Variants in KHDC1 observed in about 807,000 individuals in gnomAD.
KHDC1 encodes KH domain containing 1.
In KHDC1, 21 loss-of-function variants were observed where a neutral mutation model predicts 24.7. The observed-to-expected ratio is 0.85, with a 90% CI of 0.60 to 1.23. The LOEUF (loss-of-function observed/expected upper bound fraction) is 1.23. KHDC1 is among the 50% of genes most tolerant of loss of function. The pLI is 0.00. For missense variants in KHDC1, 274 were observed against 298.5 expected (o/e 0.92, Z 0.61); for synonymous variants, 98 against 111.7 (o/e 0.88, Z 0.77).
At chr6:73,300,391 C>CT (rs1276879739) in intron 1 of KHDC1, 1 of 152,238 alleles carries the variant, frequency 6.6e-6, no homozygotes, top group African/African-American at 2.4e-5. Context: ...GACACCTTCC[C>CT]TGGGTTCCCA....
rs148696563 is a variant in KHDC1 at position 73,257,553 on chromosome 6, C to T, written c.207-15023G>A. Among the ~76,000 whole-genome samples, 681 of 152,140 alleles carry T rather than the reference C, an allele frequency of 4.5e-3. 1 individual carries two copies. Among genetic ancestry groups the T allele is most frequent in the Non-Finnish European group, 7.4e-3 (500 of 68,012 alleles). ...AGCTGGGACTACAGGTGCACACTAC[C>T]ACACCCGGCTAATTTTTGTATTTTT... On this transcript the variant is annotated intron_variant, in intron 2 of 4. Coordinates refer to ENST00000370384, the Ensembl canonical transcript of KHDC1.
At chr6:73,285,439 C>T (rs1417780620) in intron 2 of KHDC1, among the ~76,000 whole-genome samples, 3 of 151,820 alleles carry the variant, frequency 2.0e-5, no homozygotes, top group Non-Finnish European at 4.4e-5. Flanking sequence ...TCAAGCAATT[C>T]TCCTGCCTCA....
intron 1 of KHDC1, among the ~76,000 whole-genome samples, chr6:73,302,275 C>T (rs562383795): frequency 7.2e-5 from 11 of 151,890 alleles, no homozygotes; most frequent in African/African-American, 1.9e-4. Flanking sequence ...AGCAACAGAG[C>T]GAGACTCTGT....
At chr6:73,241,458 G>A (rs1014849992) in exon 5 of KHDC1, 3 of 1,456,816 alleles carry the variant, frequency 2.1e-6, no homozygotes, top group African/African-American at 2.8e-5. Flanking sequence ...TGTCTATCAT[G>A]TCTTTCTCAC....
intron 2 of KHDC1, chr6:73,263,005 T>G: frequency 9.8e-7 from 1 of 1,016,416 alleles, no homozygotes; most frequent in Non-Finnish European, 1.2e-6. Context: ...GAGGTGAGGG[T>G]GGCGCGCCGC....
chr6:73,263,436 C>T, intron 2 of KHDC1: 1 of 284,620 alleles, frequency 3.5e-6, no homozygotes. Context: ...CTCCAGGCGG[C>T]ATCTCTTGCT....
exon 1 of KHDC1, chr6:73,309,854 C>T (rs1281888502): frequency 2.9e-5 from 29 of 1,017,288 alleles, no homozygotes; most frequent in Non-Finnish European, 3.3e-5. Flanking sequence ...GAAAGGGCCA[C>T]TTCGGGTCGG....
At chr6:73,299,765 G>C (rs561112983) in intron 1 of KHDC1, 15 of 152,662 alleles carry the variant, frequency 9.8e-5, no homozygotes, top group African/African-American at 3.6e-4. Flanking sequence ...AACCTGGCCT[G>C]AATGGCCCAG....
intron 1 of KHDC1, among the ~76,000 whole-genome samples, chr6:73,295,296 C>T (rs540073206): frequency 6.6e-6 from 1 of 152,276 alleles, no homozygotes; most frequent in Non-Finnish European, 1.5e-5. Context: ...CAAGCAGATG[C>T]CAGCATCATG....
At chr6:73,298,648 G>T (rs1428251186) in intron 1 of KHDC1, among the ~76,000 whole-genome samples, 1 of 151,494 alleles carries the variant, frequency 6.6e-6, no homozygotes, top group South Asian at 2.1e-4. Context: ...GTCCGTCAGG[G>T]TCAGGATCAC....
intron 2 of KHDC1, among the ~76,000 whole-genome samples, chr6:73,265,934 T>TG (rs201924033): frequency 5.9e-5 from 9 of 151,928 alleles, no homozygotes; most frequent in Non-Finnish European, 8.8e-5. Context: ...TTCTTTTTTT[T>TG]GGGGGGAGAC....
intron 1 of KHDC1, chr6:73,300,102 A>G (rs1392370633): frequency 6.6e-6 from 1 of 152,394 alleles, no homozygotes; most frequent in Non-Finnish European, 1.5e-5. Flanking sequence ...CACGCTTCCC[A>G]TGAACTAACC....
intron 1 of KHDC1, among the ~76,000 whole-genome samples, chr6:73,293,658 G>A (rs1344315373): frequency 6.6e-6 from 1 of 151,972 alleles, no homozygotes; most frequent in Non-Finnish European, 1.5e-5. Flanking sequence ...TGTAATTACA[G>A]CTACTTGGGA....
chr6:73,274,571 A>G (rs906927692), intron 2 of KHDC1: 3 of 152,160 alleles, frequency 2.0e-5, no homozygotes, highest in Non-Finnish European at 4.4e-5. Context: ...CTCTCACGAC[A>G]TCTGATGGTT....
chr6:73,264,247 G>A (rs1767041905), intron 2 of KHDC1, among the ~76,000 whole-genome samples: 1 of 152,142 alleles, frequency 6.6e-6, no homozygotes, highest in Non-Finnish European at 1.5e-5. Flanking sequence ...ATCTTATCTA[G>A]GTTGCGTCTT....
intron 2 of KHDC1, among the ~76,000 whole-genome samples, chr6:73,252,008 C>G (rs967821281): frequency 2.6e-5 from 4 of 151,200 alleles, no homozygotes; most frequent in African/African-American, 9.7e-5. Context: ...TAGGCGTGAG[C>G]CACAGGGCCC....
chr6:73,281,666 G>A (rs1313270254), intron 2 of KHDC1, among the ~76,000 whole-genome samples: 2 of 151,166 alleles, frequency 1.3e-5, no homozygotes, highest in Non-Finnish European at 2.9e-5. Flanking sequence ...AGAGTTGTGA[G>A]GATAGTACAG....
intron 2 of KHDC1, among the ~76,000 whole-genome samples, chr6:73,267,383 T>A (rs1254514010): frequency 6.6e-6 from 1 of 152,114 alleles, no homozygotes; most frequent in Admixed American, 6.6e-5. Flanking sequence ...CTTGGGAGGC[T>A]GAGGCACGAG....
chr6:73,258,172 T>C (rs927947253), intron 2 of KHDC1, among the ~76,000 whole-genome samples: 1 of 152,202 alleles, frequency 6.6e-6, no homozygotes, highest in African/African-American at 2.4e-5. Flanking sequence ...GGAGAATCAC[T>C]TGAATCCGGG....
Sources: allele counts gnomAD v4.1 joint callset (sites outside exome capture counted in the v4.1 genomes callset), GRCh38; gene constraint gnomAD v4.1.1; transcripts MANE v1.5; gene names NCBI Gene and HGNC (gene_info 2026-07-23, HGNC 2026-07-21).